Variants in ORC4 observed in about 807,000 individuals in gnomAD.
ORC4 encodes the protein origin recognition complex, subunit 4 homolog.
In ORC4, 55 loss-of-function variants were observed where a neutral mutation model predicts 63.9. The observed-to-expected ratio is 0.86, with a 90% CI of 0.69 to 1.08. The LOEUF (loss-of-function observed/expected upper bound fraction) is 1.08, where lower values mean the gene tolerates loss of function less well. ORC4 is among the 50% of genes least tolerant of loss of function. ORC4 has a pLI of 0.00. For missense variants in ORC4, 511 were observed against 504.4 expected, an observed-to-expected ratio of 1.01 and a Z score of -0.13; for synonymous variants, 150 against 168.5, an observed-to-expected ratio of 0.89 and a Z score of 0.85.
intron 1 of ORC4, among the ~76,000 whole-genome samples, chr2:148,016,134 C>G (rs541763033): frequency 1.3e-5 from 2 of 152,254 alleles, no homozygotes; most frequent in East Asian, 3.9e-4. Flanking sequence ...TAAAAAAACA[C>G]CGTTTTGAAG....
rs1198964307 is a variant in ORC4 at position 147,940,795 on chromosome 2, T to TA, written c.850-1548dup. Among the ~76,000 whole-genome samples the TA allele has an allele frequency of 3.3e-5, 5 of 152,226 alleles. No individual in the cohort carries two copies. The East Asian group carries it at 7.7e-4, about 23-fold the overall frequency. Reference sequence around the variant, plus strand: ...ACATCGTATGTTCTCACTGATATGATATGTGGGAGCTAAGCTATGAGGACA... The same window carrying TA: ...ACATCGTATGTTCTCACTGATATGATAATGTGGGAGCTAAGCTATGAGGACA... On this transcript the variant is annotated intron_variant, in intron 10 of 13. Transcript: ENST00000392857.
chr2:147,938,109 C>A, intron 13 of ORC4, 37 bp downstream of exon 13: 1 of 1,375,008 alleles, frequency 7.3e-7, no homozygotes, highest in Non-Finnish European at 1.0e-6. Flanking sequence ...AAAAAATATA[C>A]TTGTCTGTAG....
intron 1 of ORC4, among the ~76,000 whole-genome samples, chr2:148,010,726 G>C (rs1692911869): frequency 6.6e-6 from 1 of 151,958 alleles, no homozygotes; most frequent in Admixed American, 6.6e-5. Flanking sequence ...GAAAAGGCCA[G>C]GACTTCATGG....
At chr2:148,018,882 G>C (rs947260958) in intron 1 of ORC4, among the ~76,000 whole-genome samples, 5 of 152,182 alleles carry the variant, frequency 3.3e-5, no homozygotes, top group Admixed American at 2.6e-4. Flanking sequence ...AGCTTCTCAG[G>C]TGCCACAGAC....
intron 10 of ORC4, among the ~76,000 whole-genome samples, chr2:147,942,371 T>C (rs1688412104): frequency 6.6e-6 from 1 of 152,272 alleles, no homozygotes; most frequent in South Asian, 2.1e-4. Flanking sequence ...ATATTGGTAT[T>C]ATGTAAGCTT....
At chr2:147,989,736 C>A (rs1012700948) in intron 1 of ORC4, among the ~76,000 whole-genome samples, 3 of 151,964 alleles carry the variant, frequency 2.0e-5, no homozygotes, top group Non-Finnish European at 4.4e-5. Flanking sequence ...ACAACAACAA[C>A]AAGAAACAAA....
At chr2:148,004,243 G>T (rs886579329) in intron 1 of ORC4, among the ~76,000 whole-genome samples, 5 of 151,828 alleles carry the variant, frequency 3.3e-5, no homozygotes, top group African/African-American at 1.2e-4. Flanking sequence ...TTTCTTCACA[G>T]AATTAGAAAA....
In ORC4 at chr2:148,002,237, T is replaced by G. The variant is rs184394975; in HGVS notation, c.-18+18396A>C. On this transcript the variant is annotated intron_variant, in intron 1 of 13. Coordinates refer to ENST00000392857, the MANE Select transcript of ORC4 (RefSeq NM_181741.4). ...AAAATTAACAAGGACACTCAGGACTTGAACTCAGCTATGGACCAAGTGGAC... is the reference window on the plus strand; with the variant it reads ...AAAATTAACAAGGACACTCAGGACTGGAACTCAGCTATGGACCAAGTGGAC... 9.9e-5 allele frequency among the ~76,000 whole-genome samples: 15 copies of G among 152,234 alleles called. No individual in the cohort carries two copies. In the South Asian group the frequency reaches 1.7e-3, roughly 17 times the overall value.
At chr2:147,975,820 A>G in intron 2 of ORC4, 82 bp downstream of exon 2, 2 of 865,278 alleles carry the variant, frequency 2.3e-6, no homozygotes, top group Non-Finnish European at 4.0e-6. Flanking sequence ...CTAAAGGGAA[A>G]ATTCAGGTTA....
At chr2:147,944,064 C>G (rs1294660551) in intron 9 of ORC4, among the ~76,000 whole-genome samples, 2 of 151,998 alleles carry the variant, frequency 1.3e-5, no homozygotes, top group Non-Finnish European at 2.9e-5. Flanking sequence ...GGCAGAAAAA[C>G]CTAACTGGAG....
intron 1 of ORC4, among the ~76,000 whole-genome samples, chr2:147,991,210 G>A (rs1166904020): frequency 4.6e-5 from 7 of 151,830 alleles, no homozygotes; most frequent in Admixed American, 2.6e-4. Flanking sequence ...ACCACGCTCG[G>A]CTAATTTTTG....
chr2:147,949,777 A>G (rs1558835951), intron 8 of ORC4, among the ~76,000 whole-genome samples: 1 of 152,208 alleles, frequency 6.6e-6, no homozygotes. Flanking sequence ...GATAAATAAA[A>G]TTAGTCTGTA....
chr2:148,011,249 T>C (rs575712836), intron 1 of ORC4, among the ~76,000 whole-genome samples: 11 of 152,048 alleles, frequency 7.2e-5, no homozygotes, highest in Non-Finnish European at 1.3e-4. Context: ...GCAAACCAAA[T>C]TCAACAGCAC....
At chr2:147,949,008 AAT>A (rs1180454648) in intron 8 of ORC4, among the ~76,000 whole-genome samples, 3 of 147,954 alleles carry the variant, frequency 2.0e-5, no homozygotes, top group African/African-American at 7.4e-5. Flanking sequence ...TATTATATAT[AAT>A]ATATATAATT....
intron 1 of ORC4, among the ~76,000 whole-genome samples, chr2:147,976,314 T>A (rs1690553110): frequency 6.6e-6 from 1 of 152,196 alleles, no homozygotes; most frequent in South Asian, 2.1e-4. Flanking sequence ...CAGCATTTTT[T>A]AGCAATAAGG....
At chr2:148,004,036 G>A (rs1337213245) in intron 1 of ORC4, among the ~76,000 whole-genome samples, 3 of 152,026 alleles carry the variant, frequency 2.0e-5, no homozygotes, top group South Asian at 4.1e-4. Context: ...AAAATACATA[G>A]GAATACAACT....
chr2:147,992,420 C>A lies in ORC4; in HGVS notation c.-17-16445G>T, dbSNP rs1379929490. 4.6e-5 allele frequency among the ~76,000 whole-genome samples: 7 copies of A among 152,060 alleles called. No homozygotes were observed. In the East Asian group the frequency reaches 1.4e-3, roughly 29 times the overall value. On this transcript the variant is annotated intron_variant, in intron 1 of 13. Coordinates refer to ENST00000392857, the MANE Select transcript of ORC4 (RefSeq NM_181741.4). ...TACAAGTGTGAGGTACTGCCCCTGA[C>A]AAAAATATCATTTTTGTGAAGGATG...
intron 1 of ORC4, among the ~76,000 whole-genome samples, chr2:148,008,287 G>C (rs548228308): frequency 6.6e-6 from 1 of 152,310 alleles, no homozygotes; most frequent in South Asian, 2.1e-4. Context: ...TTAGCAGGAA[G>C]ATTAAAAGAC....
At chr2:147,979,947 T>A (rs1167229936) in intron 1 of ORC4, among the ~76,000 whole-genome samples, 1 of 151,992 alleles carries the variant, frequency 6.6e-6, no homozygotes, top group Non-Finnish European at 1.5e-5. Context: ...AAGACAAACA[T>A]AAGACCTGAA....
Sources: gnomAD v4.1 joint callset for allele counts (sites outside exome capture counted in the v4.1 genomes callset) on GRCh38, gnomAD v4.1.1 for gene constraint, MANE v1.5 for transcripts, NCBI Gene and HGNC (gene_info 2026-07-23, HGNC 2026-07-21) for gene names.